Variants in ULK4 observed in about 807,000 individuals in gnomAD.
ULK4 encodes inactive serine/threonine-protein kinase ULK4.
ULK4 carries 133 observed loss-of-function variants against 160.6 expected under a neutral mutation model. That is an observed-to-expected ratio of 0.83 (90% CI 0.72 to 0.96). ULK4 has a LOEUF of 0.96. ULK4 is among the 40% of genes least tolerant of loss of function. The probability of loss-of-function intolerance (pLI) is 0.00; values close to 1 mark genes in which losing one functional copy is unlikely to be tolerated. For missense variants in ULK4, 1,580 were observed against 1,499.5 expected, an observed-to-expected ratio of 1.05 and a Z score of -0.89; for synonymous variants, 534 against 539.8, an observed-to-expected ratio of 0.99 and a Z score of 0.15.
At chr3:41,732,708 G>T (rs1007151825) in intron 22 of ULK4, among the ~76,000 whole-genome samples, 1 of 151,998 alleles carries the variant, frequency 6.6e-6, no homozygotes, top group African/African-American at 2.4e-5. Flanking sequence ...GCAAAGATAC[G>T]GAATCAACCT....
intron 31 of ULK4, among the ~76,000 whole-genome samples, chr3:41,576,976 A>G (rs1292454470): frequency 6.6e-6 from 1 of 152,258 alleles, no homozygotes; most frequent in Non-Finnish European, 1.5e-5. Flanking sequence ...AAGATTAATT[A>G]CACACAATTA....
intron 17 of ULK4, among the ~76,000 whole-genome samples, chr3:41,851,286 AG>A (rs1422730830): frequency 6.6e-6 from 1 of 152,122 alleles, no homozygotes; most frequent in Non-Finnish European, 1.5e-5. Context: ...TTTAGCATGA[AG>A]GGCTGTTGAA....
In ULK4 at chr3:41,541,240, G is replaced by A. The variant is rs186762777; in HGVS notation, c.3226+24785C>T. Among the ~76,000 whole-genome samples, 402 of 152,174 alleles carry A rather than the reference G, an allele frequency of 2.6e-3. 1 individual carries two copies. Among genetic ancestry groups the A allele is most frequent in the African/African-American group, 8.8e-3 (366 of 41,526 alleles). Reference sequence around the variant, plus strand: ...GGAAGGGGTCCAGTTTCAGTTTTCTGCATATGGCCAGCCAGTTTTCCCAAC... The same window carrying A: ...GGAAGGGGTCCAGTTTCAGTTTTCTACATATGGCCAGCCAGTTTTCCCAAC... On this transcript the variant is annotated intron_variant, in intron 32 of 36. Transcript: ENST00000301831.
chr3:41,946,201 G>A (rs977268341), intron 2 of ULK4, among the ~76,000 whole-genome samples: 1 of 152,152 alleles, frequency 6.6e-6, no homozygotes, highest in African/African-American at 2.4e-5. Context: ...AAAATGGAAT[G>A]CATTTTAGTA....
rs944026734 is a variant in ULK4, at chr3:41,441,673, T to C, written c.3492+13824A>G. Among the ~76,000 whole-genome samples the C allele has an allele frequency of 2.6e-5, 4 of 152,280 alleles. No individual in the cohort carries two copies. The South Asian group carries it at 6.2e-4, about 24-fold the overall frequency. ...GCTTCCAATAATGTATTTCCTTCTT[T>C]TGCTGGGTGCTCTGTGAATGGCAAT... is the stretch of plus-strand genomic sequence containing the variant. On this transcript the variant is annotated intron_variant, in intron 34 of 36. Coordinates refer to ENST00000301831, the MANE Select transcript of ULK4 (RefSeq NM_017886.4).
intron 17 of ULK4, among the ~76,000 whole-genome samples, chr3:41,851,587 CTCATAAAA>C (rs1423733405): frequency 1.3e-5 from 2 of 152,062 alleles, no homozygotes; most frequent in Admixed American, 6.6e-5. Context: ...TGATGCTGGC[CTCATAAAA>C]TGAGTTAGAG....
intron 35 of ULK4, among the ~76,000 whole-genome samples, chr3:41,308,465 T>C (rs1000063720): frequency 1.3e-4 from 20 of 150,810 alleles, no homozygotes; most frequent in Non-Finnish European, 2.2e-4. Flanking sequence ...ATTATAGGTA[T>C]AGAAGAAGGA....
chr3:41,854,419 G>T (rs2042286829), intron 17 of ULK4, among the ~76,000 whole-genome samples: 1 of 152,136 alleles, frequency 6.6e-6, no homozygotes, highest in Non-Finnish European at 1.5e-5. Flanking sequence ...GAAATCATGA[G>T]ATCTGGGATT....
intron 17 of ULK4, among the ~76,000 whole-genome samples, chr3:41,871,809 T>C (rs1467036085): frequency 6.6e-6 from 1 of 152,248 alleles, no homozygotes; most frequent in Non-Finnish European, 1.5e-5. Context: ...ACAGGGTCTT[T>C]GGTGGAGCCA....
intron 32 of ULK4, among the ~76,000 whole-genome samples, chr3:41,533,818 TG>T (rs1376527083): frequency 3.3e-5 from 5 of 152,232 alleles, no homozygotes; most frequent in African/African-American, 1.2e-4. Context: ...ACTTTCTTTT[TG>T]TTTTTTGAGA....
chr3:41,534,888 T>G (rs2086444843), intron 32 of ULK4, among the ~76,000 whole-genome samples: 1 of 152,198 alleles, frequency 6.6e-6, no homozygotes, highest in African/African-American at 2.4e-5. Context: ...TTATTATAAT[T>G]TTTAGATTAA....
At chr3:41,455,624 C>G (rs3816945) in intron 33 of ULK4, 29 bp from the exon 34 acceptor site, 293,934 of 1,608,406 alleles carry the variant, frequency 0.18, 32,132 homozygotes, top group East Asian at 0.57. Context: ...AAATGAAAGA[C>G]GGTCTTGGTG....
chr3:41,262,257 G>C (rs565545314), intron 35 of ULK4, among the ~76,000 whole-genome samples: 10 of 152,292 alleles, frequency 6.6e-5, no homozygotes, highest in Non-Finnish European at 1.5e-4. Context: ...TTCTGCCATG[G>C]GGGGAGCTAG....
chr3:41,335,692 G>A (rs1187124279), intron 35 of ULK4, among the ~76,000 whole-genome samples: 3 of 151,550 alleles, frequency 2.0e-5, no homozygotes, highest in Non-Finnish European at 4.4e-5. Context: ...TGTCCTAGAC[G>A]CATAAAAAAT....
In ULK4 at chr3:41,265,871, A is replaced by T. The variant is rs1023312317; in HGVS notation, c.3679-16297T>A. On this transcript the variant is annotated intron_variant, in intron 35 of 36. Coordinates refer to ENST00000301831, the MANE Select transcript of ULK4 (RefSeq NM_017886.4). ...GTCCACTGTCAGCTGACCCAAAAGC[A>T]TCCATTCTGCACAGCTTGGTGGTGA... Among the ~76,000 whole-genome samples, 6 of 152,242 alleles carry T rather than the reference A, an allele frequency of 3.9e-5. No individual in the cohort carries two copies. The East Asian group carries it at 9.7e-4, about 25-fold the overall frequency.
intron 31 of ULK4, among the ~76,000 whole-genome samples, chr3:41,593,526 A>T (rs2031493465): frequency 6.6e-6 from 1 of 152,212 alleles, no homozygotes; most frequent in South Asian, 2.1e-4. Context: ...CTGGAACCAC[A>T]CAAAGAGATG....
intron 32 of ULK4, among the ~76,000 whole-genome samples, chr3:41,520,406 G>T (rs557103615): frequency 2.3e-4 from 35 of 152,088 alleles, no homozygotes; most frequent in African/African-American, 8.2e-4. Flanking sequence ...CCTTTTTATG[G>T]CTAAATATTA....
chr3:41,517,512 A>T (rs2085790149), intron 32 of ULK4, among the ~76,000 whole-genome samples: 1 of 152,210 alleles, frequency 6.6e-6, no homozygotes, highest in Non-Finnish European at 1.5e-5. Flanking sequence ...CAAATCTGCC[A>T]GTGCCTTGAC....
chr3:41,289,146 TTTGAA>T (rs1167152122), intron 35 of ULK4, among the ~76,000 whole-genome samples: 1 of 152,238 alleles, frequency 6.6e-6, no homozygotes, highest in South Asian at 2.1e-4. Flanking sequence ...AGTTAACCTA[TTTGAA>T]TTGGTTTGTT....
Sources: gnomAD v4.1 joint callset for allele counts (sites outside exome capture counted in the v4.1 genomes callset) on GRCh38, gnomAD v4.1.1 for gene constraint, MANE v1.5 for transcripts, NCBI Gene and HGNC (gene_info 2026-07-23, HGNC 2026-07-21) for gene names.